Variants in SHQ1 observed in about 807,000 individuals in gnomAD.
SHQ1 encodes the protein SHQ1, H/ACA ribonucleoprotein assembly factor.
A neutral mutation model predicts 53.8 loss-of-function variants in SHQ1; 49 were observed. The observed-to-expected ratio is 0.91, with a 90% CI of 0.72 to 1.16. The LOEUF (loss-of-function observed/expected upper bound fraction) is 1.16. Ranked by LOEUF, SHQ1 falls within the 50% of genes most tolerant of loss-of-function variation. The pLI is 0.00. For synonymous variants in SHQ1, 243 were observed against 251.0 expected (o/e 0.97, Z 0.30); for missense variants, 738 against 683.1 (o/e 1.08, Z -0.90).
chr3:72,781,048 C>A (rs907330351), intron 10 of SHQ1, among the ~76,000 whole-genome samples: 1 of 149,194 alleles, frequency 6.7e-6, no homozygotes, highest in African/African-American at 2.5e-5. Flanking sequence ...AGGCAATTTT[C>A]TTCTCTTTTT....
chr3:72,834,373 T>A (rs1707929598), intron 4 of SHQ1, among the ~76,000 whole-genome samples: 1 of 152,050 alleles, frequency 6.6e-6, no homozygotes, highest in Non-Finnish European at 1.5e-5. Context: ...TACTAAAAAA[T>A]ACAAAAATTA....
chr3:72,847,930 A>AC (rs1451724411), intron 1 of SHQ1, among the ~76,000 whole-genome samples: 1 of 152,126 alleles, frequency 6.6e-6, no homozygotes, highest in East Asian at 1.9e-4. Flanking sequence ...CAGAAACGGG[A>AC]AAGTGACACG....
At chr3:72,774,967 TA>T (rs1215400933) in intron 10 of SHQ1, among the ~76,000 whole-genome samples, 4 of 151,736 alleles carry the variant, frequency 2.6e-5, no homozygotes, top group African/African-American at 9.7e-5. Context: ...ATAGAAAAAT[TA>T]GCTGGGCATG....
chr3:72,801,527 A>G (rs1284601691), intron 9 of SHQ1, among the ~76,000 whole-genome samples: 1 of 152,218 alleles, frequency 6.6e-6, no homozygotes, highest in Non-Finnish European at 1.5e-5. Context: ...ATGGCTCATA[A>G]AAGGAAAAAA....
chr3:72,839,175 A>G (rs1229597561), intron 4 of SHQ1, among the ~76,000 whole-genome samples: 1 of 152,214 alleles, frequency 6.6e-6, no homozygotes, highest in Admixed American at 6.5e-5. Context: ...ATCCATACTT[A>G]GCCTGTGTGA....
chr3:72,735,096 GC>G, the SHQ1 span, among the ~76,000 whole-genome samples: 2 of 151,734 alleles, frequency 1.3e-5, 1 homozygote, highest in Non-Finnish European at 2.9e-5. Context: ...ATACTACGGT[GC>G]TTTGTTTTTC....
At chr3:72,761,172 A>G (rs562698045) in intron 10 of SHQ1, among the ~76,000 whole-genome samples, 1 of 151,890 alleles carries the variant, frequency 6.6e-6, no homozygotes. Context: ...TATTTTTAAA[A>G]TTTTTTTTAT....
intron 10 of SHQ1, among the ~76,000 whole-genome samples, chr3:72,769,251 A>T (rs914991787): frequency 2.0e-5 from 3 of 152,182 alleles, no homozygotes; most frequent in Non-Finnish European, 4.4e-5. Context: ...AACTGCCAGA[A>T]CTTCCGTTAT....
In SHQ1 at chr3:72,828,997, G is replaced by A. The variant is rs181851811; in HGVS notation, c.599+3372C>T. ...GGGATGCCAGTTAGGCAGTTAGTGAGTGCTGCACTAAACCAGACACAGATG... is the reference window on the plus strand; with the variant it reads ...GGGATGCCAGTTAGGCAGTTAGTGAATGCTGCACTAAACCAGACACAGATG... On this transcript the variant is annotated intron_variant, in intron 5 of 10. Coordinates refer to ENST00000325599, the MANE Select transcript of SHQ1 (RefSeq NM_018130.3). 3.0e-4 allele frequency among the ~76,000 whole-genome samples: 45 copies of A among 151,696 alleles called. 1 individual carries two copies. The highest frequency in any genetic ancestry group is 9.4e-4 in the African/African-American group (39 of 41,292).
At chr3:72,823,289 A>C (rs1251168146) in intron 6 of SHQ1, among the ~76,000 whole-genome samples, 2 of 152,168 alleles carry the variant, frequency 1.3e-5, no homozygotes, top group Non-Finnish European at 2.9e-5. Flanking sequence ...TAACCATAAA[A>C]ACATTTATTA....
the SHQ1 span, among the ~76,000 whole-genome samples, chr3:72,742,728 G>A: frequency 4.0e-5 from 6 of 149,320 alleles, no homozygotes; most frequent in Admixed American, 1.3e-4. Flanking sequence ...GCGTTCAAGC[G>A]ATTCTCCTGC....
At chr3:72,738,547 G>T in the SHQ1 span, among the ~76,000 whole-genome samples, 1 of 152,132 alleles carries the variant, frequency 6.6e-6, no homozygotes, top group Non-Finnish European at 1.5e-5. Context: ...GGATGGGGGT[G>T]GGATGGGAGT....
chr3:72,836,388 C>T (rs1707996919), intron 4 of SHQ1, among the ~76,000 whole-genome samples: 1 of 152,064 alleles, frequency 6.6e-6, no homozygotes, highest in South Asian at 2.1e-4. Flanking sequence ...ACTCGGGAGG[C>T]TGAGGCAGGA....
intron 6 of SHQ1, among the ~76,000 whole-genome samples, chr3:72,823,602 T>C (rs913024900): frequency 2.0e-5 from 3 of 152,184 alleles, no homozygotes; most frequent in South Asian, 2.1e-4. Flanking sequence ...CAGGTAGATC[T>C]CTACATACTA....
Position 72,840,576 on chromosome 3 carries a change from A to G in SHQ1, c.486+469T>C, listed in dbSNP as rs868685975. On this transcript the variant is annotated intron_variant, in intron 4 of 10. Transcript: ENST00000325599. ...ACTCCGTCTCAAAAAAAAAAAAAAA[A>G]AGAGAATAGAAAATGGTGCCTACTA... 8.7e-3 allele frequency among the ~76,000 whole-genome samples: 1,318 copies of G among 152,016 alleles called. 31 individuals carry two copies. The highest frequency in any genetic ancestry group is 0.03 in the African/African-American group (1,250 of 41,460).
chr3:72,750,139 G>C lies in SHQ1; in HGVS notation c.*145C>G. On this transcript the variant is annotated 3_prime_UTR_variant, in exon 11 of 11. Coordinates refer to ENST00000325599, the MANE Select transcript of SHQ1 (RefSeq NM_018130.3). The stretch of plus-strand genomic sequence containing the variant: ...CTTCAATATTTTTGATCTGCAGTTG[G>C]TTGAATCCACAGATGTGGAACACAC... 1.4e-6 allele frequency: 1 copy of C among 706,586 alleles called. No homozygotes were observed. Among genetic ancestry groups the C allele is most frequent in the Admixed American group, 2.9e-5 (1 of 34,644 alleles). The allele number at this position is 706,586 out of a possible 1,614,324, so 43.8% of individuals were successfully genotyped here. A position where few individuals can be genotyped will look rare whatever the true frequency, so the allele number is the denominator to read the frequency against.
chr3:72,742,893 C>T, the SHQ1 span, among the ~76,000 whole-genome samples: 5 of 152,272 alleles, frequency 3.3e-5, no homozygotes, highest in East Asian at 7.7e-4. Flanking sequence ...GCCTCGGCCT[C>T]CCAAAGTGCC....
chr3:72,755,473 A>T (rs1052078474), intron 10 of SHQ1, among the ~76,000 whole-genome samples: 5 of 152,238 alleles, frequency 3.3e-5, no homozygotes, highest in Admixed American at 6.5e-5. Context: ...ACTCTCTCCC[A>T]TTCTTAAAGA....
Position 72,841,167 on chromosome 3 carries a change from C to T in SHQ1, c.364G>A (p.Asp122Asn), listed in dbSNP as rs200756921. 7.4e-6 allele frequency: 12 copies of T among 1,613,176 alleles called. No homozygotes were observed. In the Admixed American group the frequency reaches 1.2e-4, roughly 16 times the overall value. ...TCAATTTCCCAATCAAACTCTTCAT[C>T]GTCAACTACTTCCTCAGGAATCTCA... ...ASEIPEEVVD[D>N]EEFDWEIEQT... The change falls in exon 4 of 11, where the codon GAT (aspartate) becomes AAT (asparagine). Residue 122 changes from aspartate (D) to asparagine (N), a missense_variant. Physicochemically the swap from Asp to Asn is conservative, Grantham distance 23 (BLOSUM62 1). Coordinates refer to ENST00000325599, the MANE Select transcript of SHQ1 (RefSeq NM_018130.3).
Sources: allele counts gnomAD v4.1 joint callset (sites outside exome capture counted in the v4.1 genomes callset), GRCh38; gene constraint gnomAD v4.1.1; transcripts MANE v1.5; gene names NCBI Gene and HGNC (gene_info 2026-07-23, HGNC 2026-07-21).